The following PPP3CA variants were observed in gnomAD, a reference collection of about 807,000 sequenced individuals.
PPP3CA encodes protein phosphatase 3 catalytic subunit alpha.
A neutral mutation model predicts 66.5 loss-of-function variants in PPP3CA; 14 were observed. The observed-to-expected ratio is 0.21, with a 90% CI of 0.14 to 0.33. The LOEUF is 0.33. PPP3CA is among the 10% of genes least tolerant of loss of function. The pLI, the probability that PPP3CA is intolerant of heterozygous loss-of-function variation, is 1.00. For synonymous variants in PPP3CA, 232 were observed against 226.2 expected (o/e 1.03, Z -0.23); for missense variants, 317 against 639.5 (o/e 0.50, Z 5.44).
Position 101,093,222 on chromosome 4 carries a change from T to A in PPP3CA, c.782+554A>T, listed in dbSNP as rs1251925357. Among the ~76,000 whole-genome samples the A allele has an allele frequency of 2.0e-5, 3 of 152,222 alleles. No individual in the cohort carries two copies. The South Asian group carries it at 6.2e-4, about 32-fold the overall frequency. On this transcript the variant is annotated intron_variant, in intron 6 of 13. Transcript: ENST00000394854. ...ATGACCAGTGATGATGAGCATTTTTTCATTGTTTTTTGGCCACATAAATGT... is the reference window on the plus strand; with the variant it reads ...ATGACCAGTGATGATGAGCATTTTTACATTGTTTTTTGGCCACATAAATGT...
intron 1 of PPP3CA, among the ~76,000 whole-genome samples, chr4:101,258,813 G>A (rs1326090932): frequency 6.6e-6 from 1 of 152,088 alleles, no homozygotes; most frequent in African/African-American, 2.4e-5. Context: ...TTAAACATCT[G>A]TGAAATCAAA....
intron 1 of PPP3CA, among the ~76,000 whole-genome samples, chr4:101,205,897 C>T (rs1725116096): frequency 1.3e-5 from 2 of 152,188 alleles, no homozygotes; most frequent in Admixed American, 1.3e-4. Flanking sequence ...GTATCTGTGA[C>T]CACAGTGAAG....
chr4:101,207,834 GAA>G (rs11312514), intron 1 of PPP3CA, among the ~76,000 whole-genome samples: 21 of 136,766 alleles, frequency 1.5e-4, no homozygotes, highest in South Asian at 4.7e-4. Context: ...AAACAAAAAA[GAA>G]AAAAAAAAAA....
intron 1 of PPP3CA, among the ~76,000 whole-genome samples, chr4:101,240,050 G>GC (rs1553935007): frequency 1.3e-4 from 20 of 150,778 alleles, no homozygotes; most frequent in African/African-American, 4.1e-4. Context: ...GGGGGGAGCG[G>GC]GGGGGAGGTG....
intron 1 of PPP3CA, among the ~76,000 whole-genome samples, chr4:101,332,174 T>C (rs111508803): frequency 2.0e-4 from 31 of 152,312 alleles, no homozygotes; most frequent in African/African-American, 7.2e-4. Context: ...ATTTTCACCA[T>C]ACCCATCCAC....
intron 2 of PPP3CA, among the ~76,000 whole-genome samples, chr4:101,176,355 A>C (rs1486566033): frequency 2.0e-5 from 3 of 152,212 alleles, no homozygotes; most frequent in Admixed American, 6.6e-5. Context: ...CTGCAGAAGT[A>C]AAGTCATCAC....
intron 1 of PPP3CA, among the ~76,000 whole-genome samples, chr4:101,304,421 G>A (rs74952628): frequency 0.013 from 1,942 of 152,076 alleles, 49 homozygotes; most frequent in African/African-American, 0.044. Context: ...GCCCATTTCC[G>A]TGCCAATAGA....
chr4:101,336,668 A>G (rs1250909222), intron 1 of PPP3CA, among the ~76,000 whole-genome samples: 1 of 152,214 alleles, frequency 6.6e-6, no homozygotes, highest in East Asian at 1.9e-4. Flanking sequence ...GGAATTCTGT[A>G]GGACAATGCT....
chr4:101,122,809 G>A (rs77510082), intron 2 of PPP3CA, among the ~76,000 whole-genome samples: 3 of 152,264 alleles, frequency 2.0e-5, no homozygotes, highest in East Asian at 1.9e-4. Flanking sequence ...TTCCTGTAAT[G>A]TTTAGGAAGA....
chr4:101,338,378 G>T (rs535632436), intron 1 of PPP3CA, among the ~76,000 whole-genome samples: 1 of 152,190 alleles, frequency 6.6e-6, no homozygotes, highest in Non-Finnish European at 1.5e-5. Context: ...TACTGATCAC[G>T]ATTTAAGATT....
chr4:101,230,560 TAAATA>T (rs1420749182), intron 1 of PPP3CA, among the ~76,000 whole-genome samples: 1 of 151,256 alleles, frequency 6.6e-6, no homozygotes, highest in Non-Finnish European at 1.5e-5. Context: ...ACTAAATAAA[TAAATA>T]AAATAAAAAA....
At chr4:101,055,887 T>C (rs1728203444) in intron 10 of PPP3CA, among the ~76,000 whole-genome samples, 1 of 151,946 alleles carries the variant, frequency 6.6e-6, no homozygotes, top group Non-Finnish European at 1.5e-5. Flanking sequence ...TATTTTATTT[T>C]ACAGTATATT....
chr4:101,196,470 C>G (rs1724796269), intron 1 of PPP3CA, among the ~76,000 whole-genome samples: 1 of 152,154 alleles, frequency 6.6e-6, no homozygotes, highest in African/African-American at 2.4e-5. Context: ...CCAACCATAA[C>G]CAACTTGTGC....
intron 1 of PPP3CA, among the ~76,000 whole-genome samples, chr4:101,249,240 T>G (rs1297901243): frequency 6.6e-6 from 1 of 151,978 alleles, no homozygotes; most frequent in Admixed American, 6.6e-5. Context: ...TAGGTACTAC[T>G]ACACAGATGA....
chr4:101,162,486 C>T (rs181647314), intron 2 of PPP3CA, among the ~76,000 whole-genome samples: 2,607 of 151,370 alleles, frequency 0.017, 42 homozygotes, highest in Middle Eastern at 0.051. Flanking sequence ...GCCGTGATCA[C>T]GCCACTGCAC....
intron 1 of PPP3CA, among the ~76,000 whole-genome samples, chr4:101,258,651 C>G (rs1419756998): frequency 6.6e-6 from 1 of 152,038 alleles, no homozygotes; most frequent in East Asian, 1.9e-4. Context: ...AGCTAAACTA[C>G]TCCTTTACCA....
At chr4:101,131,092 T>G (rs1722415218) in intron 2 of PPP3CA, among the ~76,000 whole-genome samples, 1 of 151,532 alleles carries the variant, frequency 6.6e-6, no homozygotes, top group African/African-American at 2.4e-5. Flanking sequence ...CAAATATTAG[T>G]GGGGCATGGT....
At chr4:101,191,226 G>A (rs1724592459) in intron 2 of PPP3CA, among the ~76,000 whole-genome samples, 1 of 152,128 alleles carries the variant, frequency 6.6e-6, no homozygotes. Flanking sequence ...TCTGTATTTT[G>A]TGAAGCCCTA....
intron 1 of PPP3CA, among the ~76,000 whole-genome samples, chr4:101,334,745 G>A: frequency 6.6e-6 from 1 of 152,122 alleles, no homozygotes; most frequent in East Asian, 1.9e-4. Context: ...AATGTTTCAA[G>A]ATTATTCAAT....
Sources: gnomAD v4.1 joint callset for allele counts (sites outside exome capture counted in the v4.1 genomes callset) on GRCh38, gnomAD v4.1.1 for gene constraint, MANE v1.5 for transcripts, NCBI Gene and HGNC (gene_info 2026-07-23, HGNC 2026-07-21) for gene names.